PTPRD: variants seen among roughly 807,000 people sequenced by gnomAD.
The protein encoded by PTPRD is receptor-type tyrosine-protein phosphatase delta.
In PTPRD, 34 loss-of-function variants were observed where a neutral mutation model predicts 214.5. The observed-to-expected ratio is 0.16, with a 90% confidence interval of 0.12 to 0.21. The LOEUF is 0.21. PTPRD is among the 10% of genes least tolerant of loss of function. The pLI, the probability that PTPRD is intolerant of heterozygous loss-of-function variation, is 1.00. For synonymous variants in PTPRD, 1,128 were observed against 845.7 expected, an observed-to-expected ratio of 1.33 and a Z score of -5.79; for missense variants, 2,545 against 2,398.7, an observed-to-expected ratio of 1.06 and a Z score of -1.27.
chr9:9,824,106 T>C lies in PTPRD; in HGVS notation c.-367-57255A>G, dbSNP rs115116747. On this transcript the variant is annotated intron_variant, in intron 5 of 45. Transcript: ENST00000381196. ...AAAATTATCTTCAGTCTATAAAGCA[T>C]ATAAGAATGATAAATGAATTTTTTG... Among the ~76,000 whole-genome samples, 1,233 of 152,068 alleles carry C rather than the reference T, an allele frequency of 8.1e-3. 18 individuals are homozygous for C. Among genetic ancestry groups the C allele is most frequent in the African/African-American group, 0.028 (1,165 of 41,510 alleles).
At chr9:10,455,512 C>A (rs115495042) in intron 2 of PTPRD, among the ~76,000 whole-genome samples, 1 of 151,660 alleles carries the variant, frequency 6.6e-6, no homozygotes, top group Non-Finnish European at 1.5e-5. Context: ...CCCAGCCACA[C>A]CTCAAACTCA....
intron 7 of PTPRD, among the ~76,000 whole-genome samples, chr9:9,654,358 C>T (rs1203485302): frequency 1.3e-5 from 2 of 151,940 alleles, no homozygotes; most frequent in African/African-American, 4.8e-5. Flanking sequence ...TCAATATGAG[C>T]ATTATGTAAA....
In PTPRD at chr9:10,040,289, A is replaced by G. The variant is rs185825910; in HGVS notation, c.-544-6499T>C. 7.7e-4 allele frequency among the ~76,000 whole-genome samples: 117 copies of G among 152,188 alleles called. 1 individual carries two copies. The highest frequency in any genetic ancestry group is 2.4e-3 in the African/African-American group (101 of 41,564). On this transcript the variant is annotated intron_variant, in intron 3 of 45. Transcript: ENST00000381196. ...TGAATTAGGAACACTGACAGTTTTT[A>G]TGCATGCTGGATGTAGCTTTGAATA...
intron 3 of PTPRD, among the ~76,000 whole-genome samples, chr9:10,101,178 T>A: frequency 6.6e-6 from 1 of 151,570 alleles, no homozygotes; most frequent in Non-Finnish European, 1.5e-5. Context: ...GGCTCATGAC[T>A]GAGAGGAACC....
At chr9:9,155,446 A>G (rs1159518555) in intron 10 of PTPRD, among the ~76,000 whole-genome samples, 1 of 152,170 alleles carries the variant, frequency 6.6e-6, no homozygotes, top group African/African-American at 2.4e-5. Context: ...TAATGTTCTC[A>G]GAAATAAGTC....
Position 10,411,726 on chromosome 9 carries a change from A to T in PTPRD, c.-599-70709T>A, listed in dbSNP as rs535989494. Among the ~76,000 whole-genome samples, 209 of 151,890 alleles carry T rather than the reference A, an allele frequency of 1.4e-3. 1 individual carries two copies. The highest frequency in any genetic ancestry group is 4.7e-3 in the African/African-American group (197 of 41,520). On this transcript the variant is annotated intron_variant, in intron 2 of 45. Coordinates refer to ENST00000381196, the MANE Select transcript of PTPRD (RefSeq NM_002839.4). ...TACTAATAATTCTTTAATATACCCT[A>T]TATTAGTTTAATAGGACTTTATATA...
chr9:9,389,403 G>T (rs992157323), intron 9 of PTPRD, among the ~76,000 whole-genome samples: 1 of 152,018 alleles, frequency 6.6e-6, no homozygotes, highest in East Asian at 1.9e-4. Flanking sequence ...CCAGCTACTC[G>T]GGAGGCTGAG....
chr9:8,484,232 C>G lies in PTPRD; in HGVS notation c.3300G>C (p.Thr1100=), dbSNP rs754865178. The G allele has an allele frequency of 1.2e-6, 2 of 1,614,094 alleles. No homozygotes were observed. Among genetic ancestry groups the G allele is most frequent in the East Asian group, 4.5e-5 (2 of 44,870 alleles). Residue 1100 remains threonine (T), a synonymous_variant, in exon 30 of 46, where the codon ACG becomes ACC. Transcript: ENST00000381196. The part of the protein sequence containing the change: ...NSAGGLQHRV[T]AKTAPDVLRT... ...GTAATACATCTGGTGCAGTCTTTGCCGTGACCCTGTGCTGCAGCCCACCAG... is the reference window on the plus strand; with the variant it reads ...GTAATACATCTGGTGCAGTCTTTGCGGTGACCCTGTGCTGCAGCCCACCAG...
At chr9:10,408,245 T>A (rs2098396429) in intron 2 of PTPRD, among the ~76,000 whole-genome samples, 1 of 146,478 alleles carries the variant, frequency 6.8e-6, no homozygotes, top group African/African-American at 2.7e-5. Context: ...TATTTTTAAG[T>A]CTCTCTCTCT....
chr9:10,405,594 C>T (rs984924044), intron 2 of PTPRD, among the ~76,000 whole-genome samples: 1 of 151,516 alleles, frequency 6.6e-6, no homozygotes, highest in African/African-American at 2.4e-5. Context: ...TCAGAATCTT[C>T]TCAATCACTT....
At chr9:8,430,853 T>C (rs1044565590) in intron 35 of PTPRD, among the ~76,000 whole-genome samples, 27 of 152,224 alleles carry the variant, frequency 1.8e-4, no homozygotes, top group African/African-American at 6.3e-4. Flanking sequence ...CAGATCATTA[T>C]GACCTTTACT....
intron 5 of PTPRD, among the ~76,000 whole-genome samples, chr9:9,788,033 C>T (rs1265715606): frequency 6.6e-6 from 1 of 151,502 alleles, no homozygotes; most frequent in Non-Finnish European, 1.5e-5. Flanking sequence ...TCCACCCCAC[C>T]TCGGCCTCCC....
At chr9:8,890,051 G>A (rs1184217682) in intron 11 of PTPRD, among the ~76,000 whole-genome samples, 1 of 152,148 alleles carries the variant, frequency 6.6e-6, no homozygotes, top group African/African-American at 2.4e-5. Context: ...TTTCCATAGT[G>A]GTTGTACTAG....
intron 33 of PTPRD, among the ~76,000 whole-genome samples, chr9:8,450,278 G>T (rs1243665267): frequency 6.6e-6 from 1 of 152,072 alleles, no homozygotes; most frequent in Non-Finnish European, 1.5e-5. Flanking sequence ...GTCCCCCTTA[G>T]CCCTAAGTAT....
chr9:8,529,871 A>C (rs2075236954), intron 14 of PTPRD, among the ~76,000 whole-genome samples: 1 of 152,182 alleles, frequency 6.6e-6, no homozygotes, highest in African/African-American at 2.4e-5. Flanking sequence ...CACATGTGCC[A>C]TGTTGATTTG....
intron 4 of PTPRD, among the ~76,000 whole-genome samples, chr9:9,982,442 C>T (rs2095572165): frequency 7.5e-6 from 1 of 133,198 alleles, no homozygotes; most frequent in African/African-American, 3.1e-5. Flanking sequence ...AATGTGGGTA[C>T]ATAGATACAT....
intron 3 of PTPRD, among the ~76,000 whole-genome samples, chr9:10,118,212 C>A (rs1282399550): frequency 6.6e-6 from 1 of 151,582 alleles, no homozygotes; most frequent in Non-Finnish European, 1.5e-5. Context: ...ATCTATCTAT[C>A]TATCTATCTA....
At chr9:9,968,109 T>A (rs1330814039) in intron 4 of PTPRD, among the ~76,000 whole-genome samples, 1 of 152,170 alleles carries the variant, frequency 6.6e-6, no homozygotes, top group Non-Finnish European at 1.5e-5. Context: ...AAGAATCCTA[T>A]TTTAGAATAT....
intron 3 of PTPRD, among the ~76,000 whole-genome samples, chr9:10,190,717 T>TAAAA (rs2099360116): frequency 3.1e-5 from 1 of 32,452 alleles, no homozygotes; most frequent in African/African-American, 1.5e-4. Flanking sequence ...AAACTCTGTC[T>TAAAA]CAAAAAAAAA....
Sources: gnomAD v4.1 joint callset for allele counts (sites outside exome capture counted in the v4.1 genomes callset) on GRCh38, gnomAD v4.1.1 for gene constraint, MANE v1.5 for transcripts, NCBI Gene and HGNC (gene_info 2026-07-23, HGNC 2026-07-21) for gene names.